KCNH7: variants seen among roughly 807,000 people sequenced by gnomAD.
KCNH7 encodes voltage-gated inwardly rectifying potassium channel KCNH7.
In KCNH7, 49 loss-of-function variants were observed where a neutral mutation model predicts 120.8. The ratio of observed to expected loss-of-function variants is 0.41; its 90% CI spans 0.32 to 0.51. The LOEUF (loss-of-function observed/expected upper bound fraction) is 0.51. Among genes scored for constraint, KCNH7 ranks in the 20% least tolerant of loss-of-function variants. The pLI is 0.38. For missense variants in KCNH7, 1,097 were observed against 1,446.6 expected, an observed-to-expected ratio of 0.76 and a Z score of 3.92; for synonymous variants, 547 against 516.1, an observed-to-expected ratio of 1.06 and a Z score of -0.81.
intron 5 of KCNH7, among the ~76,000 whole-genome samples, chr2:162,505,784 C>A (rs1448067648): frequency 6.6e-6 from 1 of 151,776 alleles, no homozygotes; most frequent in African/African-American, 2.4e-5. Flanking sequence ...GCATAGTTGC[C>A]TTTGTTATTT....
At chr2:162,785,953 G>A (rs1683684261) in intron 2 of KCNH7, among the ~76,000 whole-genome samples, 1 of 152,110 alleles carries the variant, frequency 6.6e-6, no homozygotes, top group East Asian at 1.9e-4. Context: ...GTTAAAACTA[G>A]TAGTATGGGC....
intron 2 of KCNH7, among the ~76,000 whole-genome samples, chr2:162,804,215 CAT>C (rs962006280): frequency 2.0e-5 from 3 of 151,898 alleles, no homozygotes; most frequent in East Asian, 1.9e-4. Context: ...TTCTATTCAA[CAT>C]AGTACTGGAA....
chr2:162,412,311 T>G (rs1012328462), intron 9 of KCNH7, among the ~76,000 whole-genome samples: 4 of 152,130 alleles, frequency 2.6e-5, no homozygotes, highest in African/African-American at 9.6e-5. Context: ...CTGGATTTTG[T>G]TTTTTAAGAT....
chr2:162,654,157 C>CA (rs374567992), intron 2 of KCNH7, among the ~76,000 whole-genome samples: 19 of 142,332 alleles, frequency 1.3e-4, no homozygotes, highest in South Asian at 8.9e-4. Context: ...GGATGAAATC[C>CA]AAAAAAAAAG....
intron 6 of KCNH7, among the ~76,000 whole-genome samples, chr2:162,481,646 C>G (rs1689932803): frequency 6.6e-6 from 1 of 152,140 alleles, no homozygotes; most frequent in Non-Finnish European, 1.5e-5. Flanking sequence ...TTTTATGTAT[C>G]TTATTTGGCT....
intron 9 of KCNH7, 40 bp downstream of exon 9, chr2:162,423,296 T>C (rs754709404): frequency 2.5e-6 from 4 of 1,613,974 alleles, no homozygotes; most frequent in East Asian, 4.5e-5. Context: ...ATCACTATAA[T>C]GCCTGCGGCA....
At chr2:162,654,280 C>T (rs74399680) in intron 2 of KCNH7, among the ~76,000 whole-genome samples, 2,865 of 151,344 alleles carry the variant, frequency 0.019, 103 homozygotes, top group African/African-American at 0.065. Context: ...ATATAAGGAG[C>T]TCAAACAACT....
intron 2 of KCNH7, among the ~76,000 whole-genome samples, chr2:162,597,168 G>A (rs575786044): frequency 3.3e-5 from 5 of 152,164 alleles, no homozygotes; most frequent in African/African-American, 1.2e-4. Context: ...GAATTACCAC[G>A]TCATCCAGCA....
intron 2 of KCNH7, among the ~76,000 whole-genome samples, chr2:162,706,606 T>C (rs1326787097): frequency 2.0e-5 from 3 of 152,058 alleles, no homozygotes; most frequent in Admixed American, 1.3e-4. Context: ...TAATCAAAGA[T>C]GTTCAAACTC....
At chr2:162,495,097 T>C (rs896348530) in intron 6 of KCNH7, among the ~76,000 whole-genome samples, 1 of 152,202 alleles carries the variant, frequency 6.6e-6, no homozygotes, top group Non-Finnish European at 1.5e-5. Flanking sequence ...ATTCTTAACT[T>C]ACGGCAATAT....
rs11348750 is a variant in KCNH7 at position 162,803,920 on chromosome 2, T to TA, written c.307+32616dup. Among the ~76,000 whole-genome samples the TA allele has an allele frequency of 4.9e-4, 73 of 149,554 alleles. 1 individual carries two copies. Among genetic ancestry groups the TA allele is most frequent in the South Asian group, 4.2e-4 (2 of 4,716 alleles). ...ACATGCCTGAGTGTTTCCAATTGTC[T>TA]AAAAAAAAAATCAAGAAATGTACTC... On this transcript the variant is annotated intron_variant, in intron 2 of 15. Transcript: ENST00000332142.
chr2:162,400,120 T>C, intron 10 of KCNH7, 69 bp downstream of exon 10: 1 of 1,515,342 alleles, frequency 6.6e-7, no homozygotes, highest in Admixed American at 1.9e-5. Context: ...CTTTTTTTCC[T>C]AATCATTTTA....
In KCNH7 at chr2:162,820,684, A is replaced by G. The variant is rs184569133; in HGVS notation, c.307+15853T>C. On this transcript the variant is annotated intron_variant, in intron 2 of 15. Coordinates refer to ENST00000332142, the MANE Select transcript of KCNH7 (RefSeq NM_033272.4). ...AAAAGCTAAATTTGCTTACAAACTC[A>G]ATTTTCACAAAGATAATTTCCCTTA... Among the ~76,000 whole-genome samples, 363 of 152,252 alleles carry G rather than the reference A, an allele frequency of 2.4e-3. 2 individuals carry two copies. Among genetic ancestry groups the G allele is most frequent in the African/African-American group, 8.5e-3 (354 of 41,554 alleles).
chr2:162,528,547 T>C (rs1003187741), intron 3 of KCNH7, among the ~76,000 whole-genome samples: 2 of 151,966 alleles, frequency 1.3e-5, no homozygotes, highest in African/African-American at 4.8e-5. Flanking sequence ...AAGTGAATGG[T>C]AGCTTCAAGG....
At chr2:162,672,209 C>A (rs564483815) in intron 2 of KCNH7, among the ~76,000 whole-genome samples, 87 of 152,098 alleles carry the variant, frequency 5.7e-4, no homozygotes, top group South Asian at 2.5e-3. Context: ...ACATACAAAA[C>A]ATTGCCAATA....
intron 2 of KCNH7, among the ~76,000 whole-genome samples, chr2:162,655,524 C>T (rs1047629809): frequency 1.3e-5 from 2 of 151,978 alleles, no homozygotes; most frequent in Non-Finnish European, 2.9e-5. Context: ...TGGTGGCTCA[C>T]GCCTGTAATC....
At chr2:162,523,304 C>A (rs1691594165) in intron 3 of KCNH7, among the ~76,000 whole-genome samples, 1 of 151,800 alleles carries the variant, frequency 6.6e-6, no homozygotes, top group Non-Finnish European at 1.5e-5. Context: ...CCCACCAAAG[C>A]CCTTCAACAT....
chr2:162,588,002 A>G (rs913706550), intron 2 of KCNH7, among the ~76,000 whole-genome samples: 6 of 152,162 alleles, frequency 3.9e-5, no homozygotes, highest in African/African-American at 1.2e-4. Context: ...CCAAGAAATG[A>G]AAGCCAGCCA....
chr2:162,417,762 G>C (rs1413562573), intron 9 of KCNH7, among the ~76,000 whole-genome samples: 1 of 152,168 alleles, frequency 6.6e-6, no homozygotes, highest in African/African-American at 2.4e-5. Flanking sequence ...GATGGTTGGA[G>C]ACCAGGATGA....
Sources: allele counts gnomAD v4.1 joint callset (sites outside exome capture counted in the v4.1 genomes callset), GRCh38; gene constraint gnomAD v4.1.1; transcripts MANE v1.5; gene names NCBI Gene and HGNC (gene_info 2026-07-23, HGNC 2026-07-21).